Variants in ATXN7L1 observed in about 807,000 individuals in gnomAD.
ATXN7L1 encodes the protein ataxin 7 like 1.
A neutral mutation model predicts 70.8 loss-of-function variants in ATXN7L1; 15 were observed. That is an observed-to-expected ratio of 0.21 (90% confidence interval 0.14 to 0.33). ATXN7L1 has a LOEUF of 0.33. ATXN7L1 is among the 10% of genes least tolerant of loss of function. The probability of loss-of-function intolerance (pLI) is 1.00; values close to 1 mark genes in which losing one functional copy is unlikely to be tolerated. For missense variants in ATXN7L1, 975 were observed against 1,097.1 expected (o/e 0.89, Z 1.57); for synonymous variants, 440 against 445.1 (o/e 0.99, Z 0.14).
intron 2 of ATXN7L1, among the ~76,000 whole-genome samples, chr7:105,806,382 G>T (rs1387778228): frequency 6.6e-6 from 1 of 152,070 alleles, no homozygotes; most frequent in Non-Finnish European, 1.5e-5. Context: ...CCTGATCGTG[G>T]GTGTCAGCCT....
intron 3 of ATXN7L1, among the ~76,000 whole-genome samples, chr7:105,754,134 G>A (rs1371822415): frequency 6.6e-6 from 1 of 152,196 alleles, no homozygotes; most frequent in African/African-American, 2.4e-5. Context: ...TGCGGTAAGA[G>A]CTCTGACGTC....
At chr7:105,863,172 T>C (rs1434985011) in intron 2 of ATXN7L1, among the ~76,000 whole-genome samples, 1 of 152,186 alleles carries the variant, frequency 6.6e-6, no homozygotes, top group Non-Finnish European at 1.5e-5. Flanking sequence ...TCACTCTAGA[T>C]AGACGCCCCT....
At chr7:105,786,348 T>C (rs553687648) in intron 3 of ATXN7L1, among the ~76,000 whole-genome samples, 1 of 152,250 alleles carries the variant, frequency 6.6e-6, no homozygotes, top group South Asian at 2.1e-4. Flanking sequence ...GGCAGGTGTA[T>C]CAGCTCTGCT....
At chr7:105,622,866 G>A (rs75457509) in intron 8 of ATXN7L1, among the ~76,000 whole-genome samples, 257 of 152,222 alleles carry the variant, frequency 1.7e-3, no homozygotes, top group African/African-American at 5.7e-3. Flanking sequence ...ATGTAATATC[G>A]GAGCAGCAGC....
chr7:105,723,020 G>A (rs1795381806), intron 3 of ATXN7L1, among the ~76,000 whole-genome samples: 2 of 152,210 alleles, frequency 1.3e-5, no homozygotes, highest in South Asian at 2.1e-4. Flanking sequence ...AGACCAGCCT[G>A]GGCAACATAG....
At chr7:105,802,189 C>T (rs1263509934) in intron 2 of ATXN7L1, among the ~76,000 whole-genome samples, 2 of 152,178 alleles carry the variant, frequency 1.3e-5, no homozygotes, top group African/African-American at 4.8e-5. Context: ...GGCATAGACG[C>T]TTCAGGGTCA....
chr7:105,643,007 C>T lies in ATXN7L1; in HGVS notation c.693G>A (p.Ser231=), dbSNP rs1173082910. Residue 231 remains serine (S), a synonymous_variant, in exon 5 of 12, where the codon TCG becomes TCA. Coordinates refer to ENST00000419735, the MANE Select transcript of ATXN7L1 (RefSeq NM_020725.2). Reference sequence around the variant, plus strand: ...AAGGAGGGGTGGAGACGGCAGAGGACGAGGTGGAGGAGGCAGAAACTGCAG... The same window carrying T: ...AAGGAGGGGTGGAGACGGCAGAGGATGAGGTGGAGGAGGCAGAAACTGCAG... ...TTTAVSASST[S]SSAVSTPPLI... 9.7e-6 allele frequency: 15 copies of T among 1,551,536 alleles called. No individual in the cohort carries two copies. The highest frequency in any genetic ancestry group is 2.4e-5 in the East Asian group (1 of 40,926).
At chr7:105,829,364 A>C (rs553649082) in intron 2 of ATXN7L1, among the ~76,000 whole-genome samples, 2 of 152,180 alleles carry the variant, frequency 1.3e-5, no homozygotes, top group South Asian at 4.2e-4. Flanking sequence ...AATCACTTGA[A>C]CCTGGGAAGT....
chr7:105,727,722 AT>A (rs1448099833), intron 3 of ATXN7L1, among the ~76,000 whole-genome samples: 1 of 112,112 alleles, frequency 8.9e-6, no homozygotes, highest in Non-Finnish European at 1.8e-5. Flanking sequence ...ATATTTTTCC[AT>A]AGGGGTGTGT....
At chr7:105,730,928 C>T (rs556453054) in intron 3 of ATXN7L1, among the ~76,000 whole-genome samples, 8 of 152,182 alleles carry the variant, frequency 5.3e-5, no homozygotes, top group African/African-American at 1.4e-4. Context: ...TAATGTAAGA[C>T]GTTAATTATA....
chr7:105,810,383 C>T lies in ATXN7L1; in HGVS notation c.251-21675G>A, dbSNP rs117075310. The stretch of plus-strand genomic sequence containing the variant: ...ACCCTTGCCTTGTAGACATCACATG[C>T]TAGCAGGTGAGACAAACAACAAACA... On this transcript the variant is annotated intron_variant, in intron 2 of 11. Transcript: ENST00000419735. 8.1e-3 allele frequency among the ~76,000 whole-genome samples: 1,236 copies of T among 152,286 alleles called. 8 individuals are homozygous for T. Among genetic ancestry groups the T allele is most frequent in the Non-Finnish European group, 0.014 (976 of 68,012 alleles).
At position 105,768,340 on chromosome 7, in the gene ATXN7L1, A is replaced by G. The variant is rs540534283; in HGVS notation, c.355+20264T>C. On this transcript the variant is annotated intron_variant, in intron 3 of 11. Coordinates refer to ENST00000419735, the MANE Select transcript of ATXN7L1 (RefSeq NM_020725.2). ...CATAGCAAGGTTGCAAGGGACTCCC[A>G]AATTGCCAGGTCACTTGAGCCACTT... Among the ~76,000 whole-genome samples the G allele has an allele frequency of 1.1e-4, 16 of 152,368 alleles. No homozygotes were observed. In the South Asian group the frequency reaches 3.1e-3, roughly 30 times the overall value.
At chr7:105,736,282 A>G (rs556783123) in intron 3 of ATXN7L1, among the ~76,000 whole-genome samples, 8 of 152,224 alleles carry the variant, frequency 5.3e-5, no homozygotes, top group Non-Finnish European at 1.2e-4. Flanking sequence ...ACACATTGCT[A>G]TTTAATTATT....
At chr7:105,845,487 T>TCTTTGTAGATCTGTTA (rs368448852) in intron 2 of ATXN7L1, among the ~76,000 whole-genome samples, 21,555 of 151,280 alleles carry the variant, frequency 0.14, 1,684 homozygotes, top group Middle Eastern at 0.22. Context: ...GATCTACAGA[T>TCTTTGTAGATCTGTTA]TCAACGTAAT....
At position 105,640,279 on chromosome 7, in the gene ATXN7L1, G is replaced by T. The variant is rs115076748; in HGVS notation, c.863-710C>A. Among the ~76,000 whole-genome samples the T allele has an allele frequency of 2.1e-3, 323 of 152,252 alleles. 1 individual carries two copies. The highest frequency in any genetic ancestry group is 7.1e-3 in the African/African-American group (294 of 41,550). On this transcript the variant is annotated intron_variant, in intron 5 of 11. Coordinates refer to ENST00000419735, the MANE Select transcript of ATXN7L1 (RefSeq NM_020725.2). ...CCTGCTAATCTCACAGCTGCTCCCC[G>T]CCCCCACTGCCCTGGGTCTGATGCT... is the stretch of plus-strand genomic sequence containing the variant.
chr7:105,773,586 G>T (rs1186413206), intron 3 of ATXN7L1, among the ~76,000 whole-genome samples: 4 of 152,100 alleles, frequency 2.6e-5, no homozygotes, highest in African/African-American at 9.7e-5. Flanking sequence ...AGTGGGAAAG[G>T]CTAAACAGGA....
intron 3 of ATXN7L1, among the ~76,000 whole-genome samples, chr7:105,784,458 A>ACACACACACACACACACT (rs761004403): frequency 4.0e-5 from 6 of 151,646 alleles, no homozygotes; most frequent in Admixed American, 1.3e-4. Flanking sequence ...ACACACACAC[A>ACACACACACACACACACT]CTTTTTTCAA....
Position 105,727,746 on chromosome 7 carries a change from G to GTGTGTATATATATATA in ATXN7L1, c.355+60857_355+60858insTATATATATATACACA, listed in dbSNP as rs1333693053. On this transcript the variant is annotated intron_variant, in intron 3 of 11. Coordinates refer to ENST00000419735, the MANE Select transcript of ATXN7L1 (RefSeq NM_020725.2). ...CATAGGGGTGTGTGTGTGTATGTGTGTATATATATATATATATATATATAT... is the reference window on the plus strand; with the variant it reads ...CATAGGGGTGTGTGTGTGTATGTGTGTGTGTATATATATATATATATATATATATATATATATATAT... 2.6e-3 allele frequency among the ~76,000 whole-genome samples: 146 copies of GTGTGTATATATATATA among 55,320 alleles called. 1 individual carries two copies. Among genetic ancestry groups the GTGTGTATATATATATA allele is most frequent in the Non-Finnish European group, 3.2e-3 (111 of 34,820 alleles). The allele number at this position is 55,320 out of a possible 152,430, so 36.3% of individuals were successfully genotyped here.
chr7:105,733,568 T>TTCATCCATCCA (rs1563048742), intron 3 of ATXN7L1, among the ~76,000 whole-genome samples: 1 of 25,936 alleles, frequency 3.9e-5, no homozygotes, highest in Non-Finnish European at 7.6e-5. Flanking sequence ...CCATCCATCC[T>TTCATCCATCCA]TCCATCCATC....
Sources: allele counts gnomAD v4.1 joint callset (sites outside exome capture counted in the v4.1 genomes callset), GRCh38; gene constraint gnomAD v4.1.1; transcripts MANE v1.5; gene names NCBI Gene and HGNC (gene_info 2026-07-23, HGNC 2026-07-21).